Variants in PLXDC2 observed in about 807,000 individuals in gnomAD.
PLXDC2 encodes the protein plexin domain-containing protein 2.
PLXDC2 carries 40 observed loss-of-function variants against 68.9 expected under a neutral mutation model. That is an observed-to-expected ratio of 0.58 (90% CI 0.45 to 0.76). The LOEUF is 0.76. Among genes scored for constraint, PLXDC2 ranks in the 30% least tolerant of loss-of-function variants. The probability of loss-of-function intolerance (pLI) is 0.00; values close to 1 mark genes in which losing one functional copy is unlikely to be tolerated. For missense variants in PLXDC2, 644 were observed against 661.9 expected (o/e 0.97, Z 0.30); for synonymous variants, 243 against 234.2 (o/e 1.04, Z -0.34).
chr10:20,155,942 C>CG (rs1179897565), intron 6 of PLXDC2, among the ~76,000 whole-genome samples: 3 of 152,022 alleles, frequency 2.0e-5, no homozygotes, highest in African/African-American at 7.2e-5. Flanking sequence ...TGCAGTGGCG[C>CG]GATCTCAGCT....
At chr10:20,162,090 A>G (rs1403745657) in intron 6 of PLXDC2, among the ~76,000 whole-genome samples, 1 of 140,498 alleles carries the variant, frequency 7.1e-6, no homozygotes, top group Non-Finnish European at 1.6e-5. Flanking sequence ...GAAGGAAGGA[A>G]GGAAGGAAGG....
chr10:19,864,038 A>G (rs1006419011), intron 1 of PLXDC2, among the ~76,000 whole-genome samples: 5 of 152,182 alleles, frequency 3.3e-5, no homozygotes, highest in African/African-American at 1.2e-4. Flanking sequence ...TTTTTGAGAC[A>G]GGGTCTCACT....
At chr10:19,870,975 A>G (rs1372393646) in intron 1 of PLXDC2, among the ~76,000 whole-genome samples, 1 of 152,178 alleles carries the variant, frequency 6.6e-6, no homozygotes, top group Non-Finnish European at 1.5e-5. Context: ...TGAGATTTAG[A>G]TTGAATGAAT....
intron 2 of PLXDC2, among the ~76,000 whole-genome samples, chr10:20,026,846 T>A (rs1589593686): frequency 6.8e-6 from 1 of 146,934 alleles, no homozygotes; most frequent in Non-Finnish European, 1.5e-5. Context: ...TATACTTTTA[T>A]AATATATTCT....
intron 2 of PLXDC2, among the ~76,000 whole-genome samples, chr10:20,018,456 G>A (rs867587848): frequency 9.9e-5 from 15 of 152,226 alleles, no homozygotes; most frequent in Middle Eastern, 3.4e-3. Context: ...ATAAGAAATG[G>A]AAGATAGTTT....
At position 20,251,129 on chromosome 10, in the gene PLXDC2, A is replaced by G. The variant is rs567864370; in HGVS notation, c.1473+5624A>G. Among the ~76,000 whole-genome samples the G allele has an allele frequency of 1.2e-4, 18 of 152,258 alleles. No homozygotes were observed. The East Asian group carries it at 3.3e-3, about 28-fold the overall frequency. On this transcript the variant is annotated intron_variant, in intron 13 of 13. Transcript: ENST00000377252. ...CTCCTAAAACATTCCATTTCTATTCAGTCAAGCAGAATAGCCTATTTTTTT... is the reference window on the plus strand; with the variant it reads ...CTCCTAAAACATTCCATTTCTATTCGGTCAAGCAGAATAGCCTATTTTTTT...
At chr10:20,022,420 C>G (rs1266289452) in intron 2 of PLXDC2, among the ~76,000 whole-genome samples, 1 of 152,042 alleles carries the variant, frequency 6.6e-6, no homozygotes, top group African/African-American at 2.4e-5. Context: ...CAAAGGCCTT[C>G]TAAGATAGGA....
At chr10:20,227,147 C>T (rs1000352503) in intron 12 of PLXDC2, among the ~76,000 whole-genome samples, 3 of 151,958 alleles carry the variant, frequency 2.0e-5, no homozygotes, top group African/African-American at 4.8e-5. Flanking sequence ...TTGATTTGCT[C>T]GGGAAACATT....
chr10:19,925,132 T>G (rs1833519281), intron 1 of PLXDC2, among the ~76,000 whole-genome samples: 1 of 152,174 alleles, frequency 6.6e-6, no homozygotes, highest in African/African-American at 2.4e-5. Flanking sequence ...ACCAGTGAAC[T>G]GTATTTAACA....
In PLXDC2 at chr10:19,928,534, A is replaced by T. The variant is rs570701123; in HGVS notation, c.113-73241A>T. 2.0e-5 allele frequency among the ~76,000 whole-genome samples: 3 copies of T among 152,314 alleles called. No individual in the cohort carries two copies. The East Asian group carries it at 5.8e-4, about 29-fold the overall frequency. On this transcript the variant is annotated intron_variant, in intron 1 of 13. Transcript: ENST00000377252. ...ATGGGTAAGTAAGCAGAATAAATTA[A>T]GAGACCTATATCCTTTTAATAATAT... is the stretch of plus-strand genomic sequence containing the variant.
At position 20,283,482 on chromosome 10, in the gene PLXDC2, T is replaced by C. The variant is rs1353398399; in HGVS notation, c.*3663T>C. The C allele has an allele frequency of 1.3e-5, 2 of 152,368 alleles. No homozygotes were observed. The highest frequency in any genetic ancestry group is 3.9e-4 in the East Asian group (2 of 5,188). 9.4% of individuals were successfully genotyped at this position (152,368 alleles called of 1,614,324 possible). A position where few individuals can be genotyped will look rare whatever the true frequency, so the allele number is the denominator to read the frequency against. ...AATAGTTCATCAGTGCAAAAAGCGT[T>C]CAAAGGTAATCAGTTCATCACGTAT... On this transcript the variant is annotated 3_prime_UTR_variant, in exon 14 of 14. Transcript: ENST00000377252.
At chr10:20,073,112 G>A (rs1484398218) in intron 4 of PLXDC2, among the ~76,000 whole-genome samples, 1 of 152,186 alleles carries the variant, frequency 6.6e-6, no homozygotes, top group Admixed American at 6.5e-5. Context: ...TTTGTTGACT[G>A]TCAGTTCTTT....
rs530246420 is a variant in PLXDC2 at position 19,914,192 on chromosome 10, G to A, written c.113-87583G>A. Among the ~76,000 whole-genome samples the A allele has an allele frequency of 9.9e-5, 15 of 151,982 alleles. No homozygotes were observed. The South Asian group carries it at 1.9e-3, about 19-fold the overall frequency. ...AATACATCAAGTGAAATTACTTTGA[G>A]AATCATTTTTCTTTTTTTCATTTCT... On this transcript the variant is annotated intron_variant, in intron 1 of 13. Coordinates refer to ENST00000377252, the MANE Select transcript of PLXDC2 (RefSeq NM_032812.9).
intron 2 of PLXDC2, among the ~76,000 whole-genome samples, chr10:20,037,245 AT>A (rs1835592061): frequency 1.3e-5 from 2 of 152,010 alleles, no homozygotes; most frequent in Admixed American, 1.3e-4. Context: ...TATTCTAAAC[AT>A]TTTTTTATCA....
intron 1 of PLXDC2, among the ~76,000 whole-genome samples, chr10:19,974,884 C>T (rs966785727): frequency 6.6e-6 from 1 of 152,114 alleles, no homozygotes; most frequent in African/African-American, 2.4e-5. Flanking sequence ...TTCTCAAAGG[C>T]AGCTTGTTGA....
At chr10:19,823,032 C>T (rs1836501194) in intron 1 of PLXDC2, among the ~76,000 whole-genome samples, 1 of 151,954 alleles carries the variant, frequency 6.6e-6, no homozygotes, top group Non-Finnish European at 1.5e-5. Flanking sequence ...TCTCCTGCCT[C>T]AGCTTCCCAA....
chr10:19,949,742 G>A (rs1242877977), intron 1 of PLXDC2, among the ~76,000 whole-genome samples: 1 of 152,152 alleles, frequency 6.6e-6, no homozygotes, highest in Non-Finnish European at 1.5e-5. Context: ...TGTGATAATA[G>A]AGGAATTTTC....
intron 9 of PLXDC2, among the ~76,000 whole-genome samples, chr10:20,196,539 ATC>A (rs745449515): frequency 1.3e-5 from 2 of 152,200 alleles, no homozygotes; most frequent in African/African-American, 2.4e-5. Context: ...AGATTTCAAA[ATC>A]TCTCTCTTAC....
intron 1 of PLXDC2, among the ~76,000 whole-genome samples, chr10:19,965,597 C>G (rs1379484411): frequency 6.6e-6 from 1 of 151,972 alleles, no homozygotes; most frequent in Non-Finnish European, 1.5e-5. Flanking sequence ...AATAATAAAG[C>G]TGTGTTTGTG....
Sources: allele counts gnomAD v4.1 joint callset (sites outside exome capture counted in the v4.1 genomes callset), GRCh38; gene constraint gnomAD v4.1.1; transcripts MANE v1.5; gene names NCBI Gene and HGNC (gene_info 2026-07-23, HGNC 2026-07-21).